EIPR1: variants seen among roughly 807,000 people sequenced by gnomAD.
EIPR1 encodes EARP complex and GARP complex interacting protein 1.
In EIPR1, 25 loss-of-function variants were observed where a neutral mutation model predicts 48.1. That is an observed-to-expected ratio of 0.52 (90% CI 0.38 to 0.73). The LOEUF (loss-of-function observed/expected upper bound fraction) is 0.73, where lower values mean the gene tolerates loss of function less well. EIPR1 is among the 30% of genes least tolerant of loss of function. The pLI is 0.00. For synonymous variants in EIPR1, 204 were observed against 201.9 expected, an observed-to-expected ratio of 1.01 and a Z score of -0.09; for missense variants, 415 against 506.2, an observed-to-expected ratio of 0.82 and a Z score of 1.73.
At chr2:3,363,459 G>A (rs1670897349) in intron 1 of EIPR1, among the ~76,000 whole-genome samples, 2 of 152,194 alleles carry the variant, frequency 1.3e-5, no homozygotes, top group South Asian at 4.1e-4. Context: ...ACTGACGGAG[G>A]CCAAGGTGGG....
chr2:3,220,307 A>G (rs1454744153), intron 4 of EIPR1, among the ~76,000 whole-genome samples: 1 of 152,156 alleles, frequency 6.6e-6, no homozygotes, highest in South Asian at 2.1e-4. Flanking sequence ...TATACACTAG[A>G]GCATTCACAG....
intron 4 of EIPR1, among the ~76,000 whole-genome samples, chr2:3,222,189 C>G (rs1665916615): frequency 6.6e-6 from 1 of 152,256 alleles, no homozygotes; most frequent in African/African-American, 2.4e-5. Context: ...CCTTCTTCCC[C>G]TGGCTAGAAG....
intron 3 of EIPR1, chr2:3,319,137 A>G (rs112926589): frequency 5.7e-6 from 2 of 347,922 alleles, no homozygotes; most frequent in South Asian, 4.4e-5. Flanking sequence ...CTCTGAGACA[A>G]TAGTTACATC....
intron 2 of EIPR1, among the ~76,000 whole-genome samples, chr2:3,352,156 C>T (rs1274018269): frequency 7.0e-6 from 1 of 142,836 alleles, no homozygotes; most frequent in Non-Finnish European, 1.5e-5. Context: ...CCCTGAGCCA[C>T]CCACACTGTC....
chr2:3,310,652 C>CAAAAA (rs751422009), intron 3 of EIPR1, among the ~76,000 whole-genome samples: 3 of 55,262 alleles, frequency 5.4e-5, no homozygotes, highest in Middle Eastern at 0.013. Flanking sequence ...GACTCCGTCT[C>CAAAAA]AAAAAAAAAA....
chr2:3,221,071 CAAT>C (rs1354854276), intron 4 of EIPR1, among the ~76,000 whole-genome samples: 92 of 17,588 alleles, frequency 5.2e-3, no homozygotes, highest in Non-Finnish European at 0.014. Context: ...CACACGCACA[CAAT>C]GGCCGAGGTA....
chr2:3,339,822 C>A (rs904813629), intron 2 of EIPR1, among the ~76,000 whole-genome samples: 1 of 152,190 alleles, frequency 6.6e-6, no homozygotes, highest in Non-Finnish European at 1.5e-5. Context: ...TGGTGGCGGG[C>A]ACCTGTAGTC....
At chr2:3,257,805 C>T (rs1333503791) in intron 3 of EIPR1, among the ~76,000 whole-genome samples, 2 of 152,204 alleles carry the variant, frequency 1.3e-5, no homozygotes, top group African/African-American at 2.4e-5. Context: ...ATAATCACCA[C>T]GCACGCAGCT....
chr2:3,275,981 T>A (rs1016843225), intron 3 of EIPR1, among the ~76,000 whole-genome samples: 1 of 152,250 alleles, frequency 6.6e-6, no homozygotes, highest in African/African-American at 2.4e-5. Context: ...CAAAGTCGAC[T>A]GTATTTTTCT....
At chr2:3,351,281 G>A (rs1171523656) in intron 2 of EIPR1, among the ~76,000 whole-genome samples, 5 of 152,266 alleles carry the variant, frequency 3.3e-5, no homozygotes, top group South Asian at 2.1e-4. Context: ...GATTACATGC[G>A]TGAGCGACCA....
rs192645064 is a variant in EIPR1, at chr2:3,308,031, G to C, written c.259+29986C>G. Among the ~76,000 whole-genome samples the C allele has an allele frequency of 1.5e-3, 234 of 152,254 alleles. 1 individual carries two copies. Among genetic ancestry groups the C allele is most frequent in the African/African-American group, 5.6e-3 (232 of 41,546 alleles). ...CTCGGCGTCTCCCACACACAACAGAGCCACACCAGCCCCAGGAAGAACATT... is the reference window on the plus strand; with the variant it reads ...CTCGGCGTCTCCCACACACAACAGACCCACACCAGCCCCAGGAAGAACATT... On this transcript the variant is annotated intron_variant, in intron 3 of 8. Coordinates refer to ENST00000382125, the MANE Select transcript of EIPR1 (RefSeq NM_003310.5).
chr2:3,214,477 C>T (rs1665561897), intron 4 of EIPR1: 2 of 430,864 alleles, frequency 4.6e-6, no homozygotes, highest in South Asian at 3.0e-5. Context: ...GAAGTCCTAG[C>T]CCCCCACCTG....
intron 1 of EIPR1, among the ~76,000 whole-genome samples, chr2:3,377,052 A>G (rs146244642): frequency 3.9e-5 from 6 of 152,330 alleles, no homozygotes; most frequent in African/African-American, 1.4e-4. Context: ...CTACTATGTG[A>G]CAGTCATGAA....
At chr2:3,259,397 TGCCCTCAATAAA>T (rs1667259020) in intron 3 of EIPR1, among the ~76,000 whole-genome samples, 1 of 152,196 alleles carries the variant, frequency 6.6e-6, no homozygotes, top group African/African-American at 2.4e-5. Flanking sequence ...ATATCCACGT[TGCCCTCAATAAA>T]GCAAAAGTGG....
chr2:3,339,414 A>T (rs942510795), intron 2 of EIPR1, among the ~76,000 whole-genome samples: 32 of 152,356 alleles, frequency 2.1e-4, no homozygotes, highest in African/African-American at 7.5e-4. Context: ...TAGCACCTAC[A>T]CATCACCCAG....
intron 3 of EIPR1, among the ~76,000 whole-genome samples, chr2:3,318,187 C>T (rs1014064802): frequency 2.0e-5 from 3 of 152,246 alleles, no homozygotes; most frequent in East Asian, 1.9e-4. Context: ...CAGAAGAGCG[C>T]AGCACACCAC....
Position 3,325,467 on chromosome 2 carries a change from G to A in EIPR1, c.259+12550C>T, listed in dbSNP as rs200498801. On this transcript the variant is annotated intron_variant, in intron 3 of 8. Coordinates refer to ENST00000382125, the MANE Select transcript of EIPR1 (RefSeq NM_003310.5). ...GACAGTGAAGCGGTGACAGGAAGCT[G>A]GGGCGGGCCACCTTCCACTCGAGGG... Among the ~76,000 whole-genome samples the A allele has an allele frequency of 3.3e-5, 5 of 152,314 alleles. No individual in the cohort carries two copies. The East Asian group carries it at 7.7e-4, about 24-fold the overall frequency.
At chr2:3,334,157 G>A (rs1051807074) in intron 3 of EIPR1, among the ~76,000 whole-genome samples, 4 of 152,126 alleles carry the variant, frequency 2.6e-5, no homozygotes, top group East Asian at 1.9e-4. Context: ...CACAGGAAAC[G>A]CCGCAAGATG....
At chr2:3,264,844 G>T (rs1025981022) in intron 3 of EIPR1, among the ~76,000 whole-genome samples, 6 of 152,054 alleles carry the variant, frequency 3.9e-5, no homozygotes, top group African/African-American at 1.4e-4. Flanking sequence ...CCGCCACCAT[G>T]CCCAGCTAAT....
Sources: allele counts gnomAD v4.1 joint callset (sites outside exome capture counted in the v4.1 genomes callset), GRCh38; gene constraint gnomAD v4.1.1; transcripts MANE v1.5; gene names NCBI Gene and HGNC (gene_info 2026-07-23, HGNC 2026-07-21).